LRP6: variants seen among roughly 807,000 people sequenced by gnomAD.
The protein encoded by LRP6 is LDL receptor related protein 6.
In LRP6, 43 loss-of-function variants were observed where a neutral mutation model predicts 184.1. The observed-to-expected ratio is 0.23, with a 90% CI of 0.18 to 0.30. The LOEUF is 0.30. Ranked by LOEUF, LRP6 falls within the 10% of genes least tolerant of loss-of-function variation. The probability of loss-of-function intolerance (pLI) is 1.00; values close to 1 mark genes in which losing one functional copy is unlikely to be tolerated. For missense variants in LRP6, 1,571 were observed against 2,005.3 expected (o/e 0.78, Z 4.14); for synonymous variants, 719 against 684.9 (o/e 1.05, Z -0.78).
In LRP6 at chr12:12,266,856, G is replaced by C. The variant is rs1017611419; in HGVS notation, c.-121C>G. 2 of 849,846 alleles carry C rather than the reference G, an allele frequency of 2.4e-6. No homozygotes were observed. Among genetic ancestry groups the C allele is most frequent in the African/African-American group, 1.7e-5 (1 of 59,164 alleles). The allele number at this position is 849,846 out of a possible 1,614,324, so 52.6% of individuals were successfully genotyped here. A position where few individuals can be genotyped will look rare whatever the true frequency, so the allele number is the denominator to read the frequency against. ...CGCTCATACTTCCCAGCTTCCCAGCGAGAGAAGAAAGAAAGGGGCACGTCA... is the reference window on the plus strand; with the variant it reads ...CGCTCATACTTCCCAGCTTCCCAGCCAGAGAAGAAAGAAAGGGGCACGTCA... On this transcript the variant is annotated 5_prime_UTR_variant, in exon 1 of 23. Transcript: ENST00000261349.
intron 18 of LRP6, among the ~76,000 whole-genome samples, chr12:12,131,096 C>CTTTTTTTTTTTTTTTTTTTTT (rs1949746766): frequency 2.8e-5 from 3 of 105,350 alleles, no homozygotes; most frequent in African/African-American, 1.0e-4. Context: ...AATTTCCTAA[C>CTTTTTTTTTTTTTTTTTTTTT]ATTTTTTTTT....
intron 2 of LRP6, among the ~76,000 whole-genome samples, chr12:12,212,065 T>C (rs1313596382): frequency 6.6e-6 from 1 of 152,212 alleles, no homozygotes; most frequent in African/African-American, 2.4e-5. Context: ...ATGCTCCAGG[T>C]ACAAACTACA....
At chr12:12,179,395 TATAGATATAGATATAG>T (rs1349321880) in intron 7 of LRP6, among the ~76,000 whole-genome samples, 18 of 146,224 alleles carry the variant, frequency 1.2e-4, no homozygotes, top group South Asian at 4.4e-4. Flanking sequence ...TAGATATAGA[TATAGATATAGATATAG>T]ATATAGATAT....
intron 3 of LRP6, among the ~76,000 whole-genome samples, chr12:12,198,454 C>T (rs1221330078): frequency 1.3e-5 from 2 of 151,500 alleles, no homozygotes; most frequent in Non-Finnish European, 2.9e-5. Flanking sequence ...AACCTAGTGT[C>T]CCTTCTAGTT....
At chr12:12,222,181 G>A (rs1297060012) in intron 2 of LRP6, among the ~76,000 whole-genome samples, 4 of 152,160 alleles carry the variant, frequency 2.6e-5, no homozygotes, top group Admixed American at 1.3e-4. Context: ...ACATCTGTGA[G>A]AATAAAAGTA....
At chr12:12,134,589 A>G (rs1056386593) in intron 17 of LRP6, among the ~76,000 whole-genome samples, 1 of 152,216 alleles carries the variant, frequency 6.6e-6, no homozygotes, top group Non-Finnish European at 1.5e-5. Flanking sequence ...TTTTTACTAG[A>G]TAAAGAAGCA....
chr12:12,204,176 C>CA (rs893934261), intron 2 of LRP6, among the ~76,000 whole-genome samples: 1 of 148,812 alleles, frequency 6.7e-6, no homozygotes, highest in Non-Finnish European at 1.5e-5. Context: ...TTCCTGCCCC[C>CA]AAAAAATGCA....
At chr12:12,176,865 T>A (rs1309037873) in intron 7 of LRP6, among the ~76,000 whole-genome samples, 5 of 106,084 alleles carry the variant, frequency 4.7e-5, no homozygotes, top group Non-Finnish European at 7.8e-5. Context: ...TTTTTTTTTT[T>A]AGACAGAGTC....
chr12:12,135,106 G>A, intron 17 of LRP6, 69 bp downstream of exon 17: 2 of 1,607,246 alleles, frequency 1.2e-6, no homozygotes, highest in East Asian at 2.2e-5. Flanking sequence ...CCTAGTCATA[G>A]AAGTCTAGGC....
chr12:12,237,343 G>A (rs1864952814), intron 2 of LRP6, among the ~76,000 whole-genome samples: 1 of 152,166 alleles, frequency 6.6e-6, no homozygotes, highest in African/African-American at 2.4e-5. Context: ...AAGGTAGAAA[G>A]CTAATAATGC....
At chr12:12,253,724 G>C (rs1243531725) in intron 1 of LRP6, among the ~76,000 whole-genome samples, 1 of 152,034 alleles carries the variant, frequency 6.6e-6, no homozygotes, top group Non-Finnish European at 1.5e-5. Context: ...AAGATTATCA[G>C]TAATAGGTTA....
At position 12,116,232 on chromosome 12, in the gene LRP6, A is replaced by C. The variant is rs1368035481; in HGVS notation, c.*4894T>G. 6.6e-6 allele frequency: 1 copy of C among 152,228 alleles called. No individual in the cohort carries two copies. Among genetic ancestry groups the C allele is most frequent in the Non-Finnish European group, 1.5e-5 (1 of 68,042 alleles). 9.4% of individuals were successfully genotyped at this position (152,228 alleles called of 1,614,324 possible). ...TTATAACATAAATACATCCTTGCAA[A>C]GCACCATCGTACCAAAGTCAATGAA... On this transcript the variant is annotated 3_prime_UTR_variant, in exon 23 of 23. Coordinates refer to ENST00000261349, the MANE Select transcript of LRP6 (RefSeq NM_002336.3).
chr12:12,193,122 G>T (rs183339562), intron 3 of LRP6, among the ~76,000 whole-genome samples: 1 of 151,876 alleles, frequency 6.6e-6, no homozygotes, highest in Non-Finnish European at 1.5e-5. Context: ...CTAAATTTTT[G>T]AAATTTCTTT....
intron 1 of LRP6, among the ~76,000 whole-genome samples, chr12:12,245,122 T>C (rs1483047500): frequency 6.6e-6 from 1 of 152,188 alleles, no homozygotes; most frequent in Non-Finnish European, 1.5e-5. Flanking sequence ...AACAAAAACA[T>C]ATGTCAATAC....
At chr12:12,135,362 G>T in intron 16 of LRP6, 62 bp from the exon 17 acceptor site, 1 of 1,195,498 alleles carries the variant, frequency 8.4e-7, no homozygotes, top group Non-Finnish European at 1.2e-6. Context: ...AGAAGTGGGA[G>T]AGAAGAGAAA....
chr12:12,229,140 G>A (rs1864707198), intron 2 of LRP6, among the ~76,000 whole-genome samples: 1 of 152,172 alleles, frequency 6.6e-6, no homozygotes, highest in African/African-American at 2.4e-5. Flanking sequence ...GGAGGCCAAG[G>A]CAGGTGGATC....
intron 3 of LRP6, among the ~76,000 whole-genome samples, chr12:12,199,964 CAAAAAAAAAAAAAAAA>C (rs146224493): frequency 9.3e-4 from 42 of 45,200 alleles, no homozygotes; most frequent in African/African-American, 3.6e-3. Flanking sequence ...GACTCCATCT[CAAAAAAAAAAAAAAAA>C]AAAAAAAAAA....
intron 17 of LRP6, among the ~76,000 whole-genome samples, chr12:12,134,117 T>C (rs952897512): frequency 1.3e-5 from 2 of 152,190 alleles, no homozygotes; most frequent in African/African-American, 4.8e-5. Flanking sequence ...AAAAAACTTA[T>C]AGTTCGACGA....
intron 1 of LRP6, among the ~76,000 whole-genome samples, chr12:12,254,606 CAAT>C (rs1865416002): frequency 6.6e-6 from 1 of 152,200 alleles, no homozygotes; most frequent in Non-Finnish European, 1.5e-5. Context: ...TGCAGAGGTT[CAAT>C]GAGTCTGCCT....
Sources: allele counts gnomAD v4.1 joint callset (sites outside exome capture counted in the v4.1 genomes callset), GRCh38; gene constraint gnomAD v4.1.1; transcripts MANE v1.5; gene names NCBI Gene and HGNC (gene_info 2026-07-23, HGNC 2026-07-21).